SMTN: variants seen among roughly 807,000 people sequenced by gnomAD.
The protein encoded by SMTN is smoothelin.
Under a neutral mutation model 102.0 loss-of-function variants are expected in SMTN, and 58 were observed. The observed-to-expected ratio is 0.57, with a 90% CI of 0.46 to 0.71. The LOEUF (loss-of-function observed/expected upper bound fraction) is 0.71. Among genes scored for constraint, SMTN ranks in the 30% least tolerant of loss-of-function variants. SMTN has a pLI of 0.00. For synonymous variants in SMTN, 478 were observed against 497.9 expected (o/e 0.96, Z 0.53); for missense variants, 1,185 against 1,241.7 (o/e 0.95, Z 0.69).
intron 2 of SMTN, among the ~76,000 whole-genome samples, chr22:31,085,863 G>C (rs911392405): frequency 2.0e-5 from 3 of 152,212 alleles, no homozygotes; most frequent in Non-Finnish European, 4.4e-5. Flanking sequence ...TTTCCAGATG[G>C]GGACACTGAA....
chr22:31,096,932 G>T (rs750745128), intron 14 of SMTN, 35 bp downstream of exon 14: 27 of 1,612,638 alleles, frequency 1.7e-5, no homozygotes, highest in Non-Finnish European at 2.0e-5. Context: ...CAGGGCTCAG[G>T]GTGGGAACAC....
chr22:31,100,565 C>T (rs773687058), intron 19 of SMTN, among the ~76,000 whole-genome samples: 34 of 152,218 alleles, frequency 2.2e-4, no homozygotes, highest in Non-Finnish European at 3.8e-4. Context: ...CCAACGCCAT[C>T]GCCCCCACCC....
At chr22:31,072,877 G>A (rs1033636135) in intron 1 of SMTN, among the ~76,000 whole-genome samples, 14 of 152,162 alleles carry the variant, frequency 9.2e-5, no homozygotes, top group Admixed American at 4.6e-4. Context: ...TCCCACTTCA[G>A]CCTCCCAAGT....
intron 2 of SMTN, chr22:31,085,360 C>G: frequency 1.5e-6 from 2 of 1,348,136 alleles, no homozygotes; most frequent in Non-Finnish European, 2.0e-6. Context: ...TCAGCGCCCC[C>G]TGGCGAGGCT....
Position 31,100,969 on chromosome 22 carries a change from C to T in SMTN, c.2688C>T (p.Tyr896=). The T allele has an allele frequency of 6.2e-7, 1 of 1,613,092 alleles. No individual in the cohort carries two copies. ...REPDWKCVYT[Y]IQEFYRCLVQ... ...CTGACTGGAAGTGCGTGTACACGTA[C>T]ATCCAGGAATTCTACCGCTGTCTGG... is the stretch of plus-strand genomic sequence containing the variant. The change falls in exon 20 of 21, where the codon TAC becomes TAT. Residue 896 remains tyrosine, a synonymous_variant. Coordinates refer to ENST00000333137, the MANE Select transcript of SMTN (RefSeq NM_134269.3).
At chr22:31,074,966 G>T (rs1357833043) in intron 1 of SMTN, among the ~76,000 whole-genome samples, 1 of 152,150 alleles carries the variant, frequency 6.6e-6, no homozygotes, top group Admixed American at 6.6e-5. Flanking sequence ...AGCTGTCAGG[G>T]AGTGTTAGTA....
rs2043360830 is a variant in SMTN, at chr22:31,094,002, G to C, written c.1633-1301G>C. On this transcript the variant is annotated intron_variant, in intron 11 of 20. Coordinates refer to ENST00000333137, the MANE Select transcript of SMTN (RefSeq NM_134269.3). ...ATCTTGACAGGGGACTGGGGCACTA[G>C]TGCTCTAAGACTAGGGCAAGAGGGT... 3 of 703,584 alleles carry C rather than the reference G, an allele frequency of 4.3e-6. No homozygotes were observed. The South Asian group carries it at 5.7e-5, about 13-fold the overall frequency. 43.6% of individuals were successfully genotyped at this position (703,584 alleles called of 1,614,324 possible).
Position 31,088,921 on chromosome 22 carries a change from A to C in SMTN, c.423A>C (p.Ser141=). The part of the protein sequence containing the change: ...RLYSGRPNSG[S]REDSKGLAAH... Reference sequence around the variant, plus strand: ...ACAGCGGGCGTCCCAACAGTGGCTCAAGAGAGGACAGCAAGGGGCTAGCGG... The same window carrying C: ...ACAGCGGGCGTCCCAACAGTGGCTCCAGAGAGGACAGCAAGGGGCTAGCGG... The change falls in exon 6 of 21, where the codon TCA becomes TCC. Residue 141 remains serine, a synonymous_variant. Coordinates refer to ENST00000333137, the MANE Select transcript of SMTN (RefSeq NM_134269.3). 1.2e-6 allele frequency: 2 copies of C among 1,613,900 alleles called. No individual in the cohort carries two copies. The highest frequency in any genetic ancestry group is 1.3e-5 in the African/African-American group (1 of 75,036).
chr22:31,085,383 C>T, intron 2 of SMTN: 2 of 1,180,692 alleles, frequency 1.7e-6, no homozygotes, highest in South Asian at 1.6e-5. Flanking sequence ...CCTCCACCGC[C>T]GGCGGGACCC....
At chr22:31,090,676 G>C (rs1049226462) in intron 8 of SMTN, 132 bp from the exon 9 acceptor site, 36 of 753,854 alleles carry the variant, frequency 4.8e-5, no homozygotes, top group Non-Finnish European at 5.7e-5. Context: ...GAGAGGTGGG[G>C]TGGGGGTTGA....
At chr22:31,071,053 A>AAC (rs61602828) in intron 1 of SMTN, among the ~76,000 whole-genome samples, 12,718 of 151,976 alleles carry the variant, frequency 0.084, 1,768 homozygotes, top group African/African-American at 0.29. Flanking sequence ...CAGTCTGGGC[A>AAC]ACACAGCAAG....
At chr22:31,086,743 T>A (rs2042730865) in intron 2 of SMTN, among the ~76,000 whole-genome samples, 1 of 152,228 alleles carries the variant, frequency 6.6e-6, no homozygotes. Flanking sequence ...TCAGGGGGTC[T>A]TCTCATAATT....
At chr22:31,084,612 G>A (rs988248892) in intron 2 of SMTN, among the ~76,000 whole-genome samples, 1 of 152,238 alleles carries the variant, frequency 6.6e-6, no homozygotes, top group Non-Finnish European at 1.5e-5. Flanking sequence ...CAAAAAGAGG[G>A]AATGCCAGGC....
Position 31,089,802 on chromosome 22 carries a change from G to A in SMTN, c.575G>A (p.Arg192Gln), listed in dbSNP as rs370156932. ...QDVTTVTLLL[R>Q]APPGSTSSSP... is the part of the protein sequence containing the mutation. ...GTGACCACAGTGACACTCCTGCTGCGAGCCCCACCTGGGAGCACATCCAGC... is the reference window on the plus strand; with the variant it reads ...GTGACCACAGTGACACTCCTGCTGCAAGCCCCACCTGGGAGCACATCCAGC... Residue 192 changes from arginine to glutamine, a missense_variant, in exon 7 of 21, where the codon CGA (arginine) becomes CAA (glutamine). By Grantham distance (43) the Arg-to-Gln change is conservative. Transcript: ENST00000333137. 9.2e-5 allele frequency: 149 copies of A among 1,613,382 alleles called. No individual in the cohort carries two copies. The highest frequency in any genetic ancestry group is 1.2e-4 in the Admixed American group (7 of 60,002).
chr22:31,095,716 C>T lies in SMTN; in HGVS notation c.1861+107C>T. The T allele has an allele frequency of 1.1e-6, 1 of 926,920 alleles. No individual in the cohort carries two copies. The highest frequency in any genetic ancestry group is 1.6e-6 in the Non-Finnish European group (1 of 609,314). 57.4% of individuals were successfully genotyped at this position (926,920 alleles called of 1,614,324 possible). On this transcript the variant is annotated intron_variant, in intron 13 of 20. Coordinates refer to ENST00000333137, the MANE Select transcript of SMTN (RefSeq NM_134269.3). The surrounding 1 kb of genome is among the most constrained non-coding windows in gnomAD (Gnocchi z 4.1). ...ACACCCCAGCTTAATAACTGCCCTACCCAGCTTCTCCTTCTCTAGACCCAG... is the reference window on the plus strand; with the variant it reads ...ACACCCCAGCTTAATAACTGCCCTATCCAGCTTCTCCTTCTCTAGACCCAG...
chr22:31,100,858 C>T (rs1263156344), intron 19 of SMTN, 27 bp from the exon 20 acceptor site: 2 of 1,238,040 alleles, frequency 1.6e-6, no homozygotes, highest in Non-Finnish European at 2.3e-6. Context: ...CGTCCCCCAC[C>T]CCTTCCCGGC....
intron 1 of SMTN, among the ~76,000 whole-genome samples, chr22:31,071,574 G>A (rs1013665419): frequency 1.3e-5 from 2 of 151,906 alleles, no homozygotes; most frequent in African/African-American, 4.8e-5. Flanking sequence ...CTGCGATCAC[G>A]CCATTGCACT....
intron 2 of SMTN, chr22:31,085,137 C>T: frequency 6.5e-7 from 1 of 1,535,508 alleles, no homozygotes; most frequent in Non-Finnish European, 8.7e-7. Context: ...CGCCGGGACG[C>T]CCTCTGCCTC....
chr22:31,082,945 A>G (rs1448985903), intron 1 of SMTN: 2 of 1,514,598 alleles, frequency 1.3e-6, no homozygotes, highest in East Asian at 2.5e-5. Context: ...CAGGCCACAC[A>G]GCAGACTGGC....
Sources: allele counts gnomAD v4.1 joint callset (sites outside exome capture counted in the v4.1 genomes callset), GRCh38; gene constraint gnomAD v4.1.1; non-coding constraint Gnocchi (gnomAD v3.1); transcripts MANE v1.5; gene names NCBI Gene and HGNC (gene_info 2026-07-23, HGNC 2026-07-21).